Variants in RARS1 observed in about 807,000 individuals in gnomAD.
The protein encoded by RARS1 is arginyl-tRNA synthetase 1, also known as arginine--tRNA ligase, cytoplasmic.
A neutral mutation model predicts 78.7 loss-of-function variants in RARS1; 75 were observed. The ratio of observed to expected loss-of-function variants is 0.95; its 90% CI spans 0.79 to 1.15. RARS1 has a LOEUF of 1.15. RARS1 is among the 50% of genes most tolerant of loss of function. The pLI is 0.00. For missense variants in RARS1, 787 were observed against 787.5 expected, an observed-to-expected ratio of 1.00 and a Z score of 0.01; for synonymous variants, 273 against 268.2, an observed-to-expected ratio of 1.02 and a Z score of -0.18.
In RARS1 at chr5:168,519,102, T is replaced by TG; in HGVS notation, c.1896dup (p.Trp633ValfsTer7). 1 of 1,612,308 alleles carries TG rather than the reference T, an allele frequency of 6.2e-7. No individual in the cohort carries two copies. The highest frequency in any genetic ancestry group is 8.5e-7 in the Non-Finnish European group (1 of 1,179,210). On this transcript the variant is annotated frameshift_variant, in exon 15 of 15. Coordinates refer to ENST00000231572, the MANE Select transcript of RARS1 (RefSeq NM_002887.4). LOFTEE classifies it high-confidence loss of function. The stretch of plus-strand genomic sequence containing the variant: ...TCAGGAAAAATATTGAAGGTGAACA[T>TG]GTGGCGTATGCTGCTATGTGAAGCA...
intron 11 of RARS1, 100 bp from the exon 12 acceptor site, chr5:168,510,481 G>T (rs1758542313): frequency 2.5e-6 from 2 of 807,028 alleles, no homozygotes; most frequent in South Asian, 1.6e-5. Flanking sequence ...TAAAACATAT[G>T]TTGCAGTTTT....
At chr5:168,513,239 T>C (rs1171957519) in intron 12 of RARS1, among the ~76,000 whole-genome samples, 2 of 149,056 alleles carry the variant, frequency 1.3e-5, no homozygotes, top group Non-Finnish European at 3.0e-5. Flanking sequence ...TTTTTTTTTT[T>C]AGTAGAGACG....
intron 4 of RARS1, 189 bp from the exon 5 acceptor site, chr5:168,494,361 A>C (rs1320580855): frequency 2.0e-6 from 2 of 985,436 alleles, no homozygotes; most frequent in Non-Finnish European, 2.4e-6. Context: ...AGGTTTCAGG[A>C]GAGTGGTGAA....
chr5:168,487,232 G>T lies in RARS1; in HGVS notation c.45+689G>T, dbSNP rs868808374. 3.8e-3 allele frequency among the ~76,000 whole-genome samples: 578 copies of T among 152,122 alleles called. 6 individuals are homozygous for T. Among genetic ancestry groups the T allele is most frequent in the Middle Eastern group, 0.01 (3 of 294 alleles). ...AAAAAAACTTAACCGGCTGTGTTGG[G>T]GGGGGTCCCTGTATTCCTAGCTACT... On this transcript the variant is annotated intron_variant, in intron 1 of 14. Transcript: ENST00000231572.
intron 12 of RARS1, among the ~76,000 whole-genome samples, chr5:168,515,757 T>G (rs1430507860): frequency 6.6e-6 from 1 of 152,256 alleles, no homozygotes; most frequent in Non-Finnish European, 1.5e-5. Context: ...CCTTCCATTT[T>G]GCCGCTGCAG....
intron 10 of RARS1, among the ~76,000 whole-genome samples, 199 bp downstream of exon 10, chr5:168,506,398 A>C (rs942259102): frequency 2.6e-5 from 4 of 152,166 alleles, no homozygotes; most frequent in Non-Finnish European, 5.9e-5. Flanking sequence ...GCTTGCCTCC[A>C]CAAACTGGAA....
Position 168,492,519 on chromosome 5 carries a change from T to C in RARS1, c.181-140T>C, listed in dbSNP as rs1159383894. The C allele has an allele frequency of 2.7e-5, 18 of 657,098 alleles. 1 individual carries two copies. Among genetic ancestry groups the C allele is most frequent in the African/African-American group, 3.6e-5 (2 of 55,542 alleles). 40.7% of individuals were successfully genotyped at this position (657,098 alleles called of 1,614,324 possible). ...GCTGCATGTCTTAGCAAATCCCAGA[T>C]TGAGGGCATCACACCATAAGTACGT... On this transcript the variant is annotated intron_variant, in intron 2 of 14. Transcript: ENST00000231572.
intron 7 of RARS1, among the ~76,000 whole-genome samples, chr5:168,499,463 A>AT (rs779239165): frequency 6.6e-6 from 1 of 152,206 alleles, no homozygotes; most frequent in Non-Finnish European, 1.5e-5. Flanking sequence ...ATGATGGAGA[A>AT]TGTTTCAAGA....
chr5:168,494,745 G>A, intron 5 of RARS1, 95 bp downstream of exon 5: 3 of 895,140 alleles, frequency 3.4e-6, no homozygotes, highest in Non-Finnish European at 5.3e-6. Flanking sequence ...TACTTGGGAG[G>A]CTGAAGCAGG....
intron 1 of RARS1, among the ~76,000 whole-genome samples, chr5:168,487,922 T>C (rs1758002141): frequency 6.6e-6 from 1 of 152,018 alleles, no homozygotes; most frequent in Non-Finnish European, 1.5e-5. Context: ...ACAAAGGACA[T>C]TTGGGTTTTT....
chr5:168,517,016 TTTTC>T, intron 13 of RARS1, 66 bp downstream of exon 13: 1 of 1,502,246 alleles, frequency 6.7e-7, no homozygotes, highest in Non-Finnish European at 9.0e-7. Flanking sequence ...CTCAAAAATA[TTTTC>T]TTTTTTTTTT....
chr5:168,494,234 TCAG>T, intron 4 of RARS1: 1 of 984,984 alleles, frequency 1.0e-6, no homozygotes, highest in Non-Finnish European at 1.2e-6. Context: ...CAGTTTTTCA[TCAG>T]CAAAATGAGG....
At chr5:168,502,931 C>T (rs553730166) in intron 9 of RARS1, among the ~76,000 whole-genome samples, 6 of 152,062 alleles carry the variant, frequency 3.9e-5, no homozygotes, top group African/African-American at 1.2e-4. Flanking sequence ...GAGGTTTCTC[C>T]CTCTTTTTAA....
At chr5:168,488,796 C>G in intron 2 of RARS1, 60 bp downstream of exon 2, 1 of 1,484,440 alleles carries the variant, frequency 6.7e-7, no homozygotes. Context: ...TTTTTTAAAG[C>G]CTTTGTTACC....
intron 5 of RARS1, 194 bp from the exon 6 acceptor site, chr5:168,495,121 A>G: frequency 1.1e-6 from 1 of 929,882 alleles, no homozygotes; most frequent in South Asian, 2.3e-5. Context: ...TCAGTTAAAA[A>G]TATACAAGCA....
At chr5:168,501,683 A>C (rs1758326056) in intron 8 of RARS1, among the ~76,000 whole-genome samples, 1 of 152,204 alleles carries the variant, frequency 6.6e-6, no homozygotes. Context: ...AGATCACGCC[A>C]CTGTACTCCA....
At chr5:168,486,608 A>C in intron 1 of RARS1, 65 bp downstream of exon 1, 1 of 1,526,330 alleles carries the variant, frequency 6.6e-7, no homozygotes, top group East Asian at 2.5e-5. Flanking sequence ...CTCCTGCCCA[A>C]GCGGCTTCGG....
chr5:168,509,588 C>T lies in RARS1; in HGVS notation c.1347-993C>T, dbSNP rs138375011. Among the ~76,000 whole-genome samples, 73 of 151,950 alleles carry T rather than the reference C, an allele frequency of 4.8e-4. 1 individual carries two copies. In the East Asian group the frequency reaches 0.014, roughly 29 times the overall value. On this transcript the variant is annotated intron_variant, in intron 11 of 14. Transcript: ENST00000231572. The stretch of plus-strand genomic sequence containing the variant: ...TGCTTATTAGTGCTTTTGCCATATC[C>T]GTAGTGATTCTGATTGCAGTAGATC...
chr5:168,495,761 T>C (rs983043559), intron 6 of RARS1, among the ~76,000 whole-genome samples: 3 of 152,176 alleles, frequency 2.0e-5, no homozygotes, highest in Non-Finnish European at 2.9e-5. Flanking sequence ...ACAGGTTGTT[T>C]TGGGCCTTGT....
Sources: allele counts gnomAD v4.1 joint callset (sites outside exome capture counted in the v4.1 genomes callset), GRCh38; gene constraint gnomAD v4.1.1; transcripts MANE v1.5; gene names NCBI Gene and HGNC (gene_info 2026-07-23, HGNC 2026-07-21).